Variants in MTG1 observed in about 807,000 individuals in gnomAD.
The protein encoded by MTG1 is mitochondrial ribosome-associated GTPase 1.
Under a neutral mutation model 39.5 loss-of-function variants are expected in MTG1, and 30 were observed. The ratio of observed to expected loss-of-function variants is 0.76; its 90% CI spans 0.57 to 1.03. The LOEUF is 1.03. Among genes scored for constraint, MTG1 ranks in the 50% least tolerant of loss-of-function variants. The probability of loss-of-function intolerance (pLI) is 0.00; values close to 1 mark genes in which losing one functional copy is unlikely to be tolerated. For missense variants in MTG1, 513 were observed against 447.4 expected, an observed-to-expected ratio of 1.15 and a Z score of -1.32; for synonymous variants, 217 against 179.0, an observed-to-expected ratio of 1.21 and a Z score of -1.69.
Position 133,401,530 on chromosome 10 carries a change from G to A in MTG1, c.513G>A (p.Gly171=), listed in dbSNP as rs1207708076. The A allele has an allele frequency of 1.3e-6, 2 of 1,569,868 alleles. No individual in the cohort carries two copies. Among genetic ancestry groups the A allele is most frequent in the Admixed American group, 1.9e-5 (1 of 52,718 alleles). The change falls in exon 7 of 11, where the codon GGG becomes GGA. Residue 171 remains glycine, a splice_region_variant and synonymous_variant. Coordinates refer to ENST00000317502, the MANE Select transcript of MTG1 (RefSeq NM_138384.4). ...CCTCCTTTTCTCCTTTTCCTACAGG[G>A]AAAGCCACCAGGGTGGGTGGCGAGC... ...NSLRRQHLRK[G]KATRVGGEPG...
At chr10:133,405,557 T>A (rs976018591) in intron 9 of MTG1, among the ~76,000 whole-genome samples, 1 of 152,208 alleles carries the variant, frequency 6.6e-6, no homozygotes, top group African/African-American at 2.4e-5. Flanking sequence ...AAGTCCACGT[T>A]TTTAGCTCCC....
intron 1 of MTG1, 143 bp downstream of exon 1, chr10:133,394,475 C>T (rs953872855): frequency 5.2e-6 from 7 of 1,337,670 alleles, no homozygotes; most frequent in Non-Finnish European, 6.7e-6. Context: ...CCCTCCTTCC[C>T]CGCTCTCACC....
At chr10:133,407,813 G>A (rs1428414873) in intron 9 of MTG1, among the ~76,000 whole-genome samples, 1 of 151,530 alleles carries the variant, frequency 6.6e-6, no homozygotes. Flanking sequence ...CAGGTAATCC[G>A]CCTGCCTTGA....
At chr10:133,397,721 G>T (rs1298430605) in intron 3 of MTG1, among the ~76,000 whole-genome samples, 1 of 150,614 alleles carries the variant, frequency 6.6e-6, no homozygotes, top group African/African-American at 2.5e-5. Flanking sequence ...CTCATGATCC[G>T]CCCGCCTCGG....
intron 6 of MTG1, 107 bp from the exon 7 acceptor site, chr10:133,401,422 C>A: frequency 1.1e-6 from 1 of 904,650 alleles, no homozygotes; most frequent in Non-Finnish European, 1.7e-6. Context: ...GTTACATAGT[C>A]TCCCTGCTTG....
At chr10:133,396,142 T>A (rs756217103) in intron 2 of MTG1, 21 bp from the exon 3 acceptor site, 3 of 1,611,556 alleles carry the variant, frequency 1.9e-6, no homozygotes, top group Non-Finnish European at 2.5e-6. Context: ...TTTGGAGGAA[T>A]TTTTACCTTA....
In MTG1 at chr10:133,402,157, G is replaced by A; in HGVS notation, c.582G>A (p.Glu194=). 1 of 1,614,080 alleles carries A rather than the reference G, an allele frequency of 6.2e-7. No individual in the cohort carries two copies. The highest frequency in any genetic ancestry group is 8.5e-7 in the Non-Finnish European group (1 of 1,179,996). Residue 194 remains glutamate (E), a synonymous_variant, in exon 8 of 11, where the codon GAG becomes GAA. Coordinates refer to ENST00000317502, the MANE Select transcript of MTG1 (RefSeq NM_138384.4). This position sits in a 1 kb window ranked among gnomAD's most constrained non-coding sequence, Gnocchi z 4.7. ...RAVMSKIQVS[E]RPLMFLLDTP... ...CCTCTGTGCCCACACAGGTCTCTGA[G>A]CGGCCCCTGATGTTCCTGTTGGACA...
In MTG1 at chr10:133,421,406, G is replaced by A. The variant is rs760947793; in HGVS notation, c.*1241G>A. On this transcript the variant is annotated 3_prime_UTR_variant, in exon 11 of 11. Coordinates refer to ENST00000317502, the MANE Select transcript of MTG1 (RefSeq NM_138384.4). ...CTGGTGCAGCTCAGCCCATTTTCCA[G>A]GTGGGCATCTGCAAAGTTGAGGGGG... The A allele has an allele frequency of 6.5e-6, 1 of 153,228 alleles. No homozygotes were observed. Among genetic ancestry groups the A allele is most frequent in the Admixed American group, 6.5e-5 (1 of 15,282 alleles). 9.5% of individuals were successfully genotyped at this position (153,228 alleles called of 1,614,324 possible).
At chr10:133,397,843 G>A (rs1419265762) in intron 3 of MTG1, among the ~76,000 whole-genome samples, 3 of 150,068 alleles carry the variant, frequency 2.0e-5, no homozygotes, top group African/African-American at 7.4e-5. Flanking sequence ...CGTCATATCA[G>A]TGGCAACTCC....
At chr10:133,413,835 A>G (rs1295994436) in intron 9 of MTG1, among the ~76,000 whole-genome samples, 6 of 152,254 alleles carry the variant, frequency 3.9e-5, no homozygotes, top group East Asian at 3.9e-4. Context: ...TTTTAAAGAA[A>G]TATAAAATAC....
At chr10:133,405,543 A>C (rs1477165933) in intron 9 of MTG1, among the ~76,000 whole-genome samples, 2 of 152,182 alleles carry the variant, frequency 1.3e-5, no homozygotes, top group African/African-American at 4.8e-5. Flanking sequence ...TCTCTGTCTT[A>C]ATGAAGTCCA....
At chr10:133,416,020 T>TGTCGGGCACGC (rs1850125557) in intron 9 of MTG1, among the ~76,000 whole-genome samples, 1 of 94,652 alleles carries the variant, frequency 1.1e-5, no homozygotes, top group Non-Finnish European at 2.2e-5. Flanking sequence ...GTCGGGCACG[T>TGTCGGGCACGC]GGGTGTCGGG....
chr10:133,419,481 T>TA lies in MTG1; in HGVS notation c.755dup (p.Tyr252Ter). The TA allele has an allele frequency of 6.3e-7, 1 of 1,593,218 alleles. No individual in the cohort carries two copies. ...TGCTGACCTGCAGCCTATGTGCAGG[T>TA]ACGTGCAGCACTACGGCCTGGGCAG... is the stretch of plus-strand genomic sequence containing the variant. ...YTLNKHQRFG[Y>*]VQHYGLGSAC... is the part of the protein sequence containing the mutation. The change falls in exon 10 of 11, where the codon TAC (tyrosine) becomes TAAC (stop). Residue 252 changes from tyrosine (Y) to a stop codon, truncating the protein, a stop_gained and frameshift_variant and splice_region_variant. Coordinates refer to ENST00000317502, the MANE Select transcript of MTG1 (RefSeq NM_138384.4). LOFTEE classifies it high-confidence loss of function.
intron 9 of MTG1, among the ~76,000 whole-genome samples, chr10:133,413,918 CTTT>C (rs1285224313): frequency 7.3e-6 from 1 of 136,116 alleles, no homozygotes. Flanking sequence ...GTTTTCTTTT[CTTT>C]TTTTTTTTTT....
intron 9 of MTG1, among the ~76,000 whole-genome samples, chr10:133,417,197 A>G (rs561303685): frequency 6.6e-6 from 1 of 152,022 alleles, no homozygotes; most frequent in Non-Finnish European, 1.5e-5. Flanking sequence ...AGTGGGCTTC[A>G]TCCCTGGGAT....
Position 133,399,186 on chromosome 10 carries a change from C to G in MTG1, c.380C>G (p.Thr127Ser). The G allele has an allele frequency of 5.0e-6, 8 of 1,614,140 alleles. No individual in the cohort carries two copies. The highest frequency in any genetic ancestry group is 6.8e-6 in the Non-Finnish European group (8 of 1,180,026). The change falls in exon 5 of 11, where the codon ACT (threonine) becomes AGT (serine). Residue 127 changes from threonine to serine, a missense_variant. Transcript: ENST00000317502. ...ENVKQIIPMV[T>S]ELIGRSHRYH... The stretch of plus-strand genomic sequence containing the variant: ...TTGTTGCAGATCATCCCGATGGTCA[C>G]TGAACTGATTGGGAGAAGCCACCGC...
At chr10:133,403,080 C>T (rs1589912455) in intron 9 of MTG1, among the ~76,000 whole-genome samples, 1 of 131,406 alleles carries the variant, frequency 7.6e-6, no homozygotes, top group African/African-American at 2.9e-5. Flanking sequence ...AGGAAACGAG[C>T]GTTCCCGTCA....
chr10:133,398,515 G>A lies in MTG1; in HGVS notation c.363G>A (p.Gln121=). 1.9e-6 allele frequency: 3 copies of A among 1,613,370 alleles called. No individual in the cohort carries two copies. The highest frequency in any genetic ancestry group is 2.2e-5 in the South Asian group (2 of 90,910). Residue 121 remains glutamine (Q), a splice_region_variant and synonymous_variant, in exon 4 of 11, where the codon CAG becomes CAA. Coordinates refer to ENST00000317502, the MANE Select transcript of MTG1 (RefSeq NM_138384.4). The stretch of plus-strand genomic sequence containing the variant: ...GTGTAAAGGATGAAAATGTCAAGCA[G>A]GTAGGCTTTTCGTCTGTGCTCTCTC... The part of the protein sequence containing the change: ...TNCVKDENVK[Q]IIPMVTELIG...
chr10:133,406,439 G>A (rs933451996), intron 9 of MTG1, among the ~76,000 whole-genome samples: 2 of 151,314 alleles, frequency 1.3e-5, no homozygotes, highest in East Asian at 2.0e-4. Flanking sequence ...TTATAGGCAC[G>A]TACCACCATG....
Sources: allele counts gnomAD v4.1 joint callset (sites outside exome capture counted in the v4.1 genomes callset), GRCh38; gene constraint gnomAD v4.1.1; non-coding constraint Gnocchi (gnomAD v3.1); transcripts MANE v1.5; gene names NCBI Gene and HGNC (gene_info 2026-07-23, HGNC 2026-07-21).